CALN1: variants seen among roughly 807,000 people sequenced by gnomAD.
The protein encoded by CALN1 is calneuron 1.
CALN1 carries 17 observed loss-of-function variants against 30.6 expected under a neutral mutation model. That is an observed-to-expected ratio of 0.56 (90% CI 0.38 to 0.83). CALN1 has a LOEUF of 0.83. Ranked by LOEUF, CALN1 falls within the 40% of genes least tolerant of loss-of-function variation. The probability of loss-of-function intolerance (pLI) is 0.00; values close to 1 mark genes in which losing one functional copy is unlikely to be tolerated. For synonymous variants in CALN1, 156 were observed against 131.4 expected (o/e 1.19, Z -1.28); for missense variants, 291 against 354.9 (o/e 0.82, Z 1.45).
At position 72,209,111 on chromosome 7, in the gene CALN1, CTTT is replaced by C. The variant is rs368613379; in HGVS notation, c.244+69572_244+69574del. Among the ~76,000 whole-genome samples, 812 of 141,020 alleles carry C rather than the reference CTTT, an allele frequency of 5.8e-3. 17 individuals are homozygous for C. The highest frequency in any genetic ancestry group is 0.019 in the African/African-American group (705 of 36,802). 92.5% of individuals were successfully genotyped at this position (141,020 alleles called of 152,430 possible). ...CCCTCCTTTCTTGTGTCATTTCTCT[CTTT>C]TTTACTCCTTCCTTCTCTCCCTCTT... is the stretch of plus-strand genomic sequence containing the variant. On this transcript the variant is annotated intron_variant, in intron 3 of 6. Transcript: ENST00000395275.
intron 6 of CALN1, among the ~76,000 whole-genome samples, chr7:71,800,138 G>A (rs1017667176): frequency 6.6e-6 from 1 of 152,244 alleles, no homozygotes; most frequent in East Asian, 1.9e-4. Context: ...CTTCAGCGGG[G>A]AGGACTGAGC....
chr7:72,352,922 A>G (rs1803011733), intron 2 of CALN1, among the ~76,000 whole-genome samples: 1 of 152,312 alleles, frequency 6.6e-6, no homozygotes, highest in South Asian at 2.1e-4. Context: ...ATAGATCCTA[A>G]CGATATAAAA....
chr7:71,973,538 A>C (rs1584650415), intron 5 of CALN1, among the ~76,000 whole-genome samples: 1 of 152,222 alleles, frequency 6.6e-6, no homozygotes, highest in Admixed American at 6.5e-5. Flanking sequence ...TGGGTAAGCC[A>C]GAAGATACGT....
At chr7:72,139,538 C>T (rs1047008204) in intron 3 of CALN1, among the ~76,000 whole-genome samples, 3 of 151,170 alleles carry the variant, frequency 2.0e-5, no homozygotes, top group Admixed American at 6.6e-5. Flanking sequence ...TTGGCCATGT[C>T]CACCCCCTCA....
intron 5 of CALN1, among the ~76,000 whole-genome samples, chr7:71,898,851 C>G (rs1218945321): frequency 2.0e-5 from 3 of 152,130 alleles, no homozygotes; most frequent in African/African-American, 7.2e-5. Context: ...CAAGAAGACA[C>G]TGGAATAATA....
At chr7:71,809,934 G>T (rs1025275591) in intron 6 of CALN1, among the ~76,000 whole-genome samples, 1 of 151,872 alleles carries the variant, frequency 6.6e-6, no homozygotes, top group Non-Finnish European at 1.5e-5. Context: ...AGGAAACACA[G>T]AGAAGGTCCA....
At chr7:72,138,287 A>T (rs1330173821) in intron 3 of CALN1, among the ~76,000 whole-genome samples, 1 of 149,074 alleles carries the variant, frequency 6.7e-6, no homozygotes, top group Non-Finnish European at 1.5e-5. Context: ...TTTATTTTGG[A>T]TTTTTTTTTT....
intron 1 of CALN1, among the ~76,000 whole-genome samples, chr7:72,437,299 T>A (rs1808191510): frequency 6.6e-6 from 1 of 152,162 alleles, no homozygotes; most frequent in Non-Finnish European, 1.5e-5. Flanking sequence ...GAACACAGGC[T>A]GGACACTCAC....
intron 3 of CALN1, among the ~76,000 whole-genome samples, chr7:72,158,394 G>A (rs1486026320): frequency 6.6e-6 from 1 of 152,136 alleles, no homozygotes; most frequent in African/African-American, 2.4e-5. Flanking sequence ...TTTGCATGAG[G>A]CAGATCATAT....
At chr7:72,271,589 T>TATATATATATATAC (rs1796998549) in intron 3 of CALN1, among the ~76,000 whole-genome samples, 1 of 105,404 alleles carries the variant, frequency 9.5e-6, no homozygotes, top group African/African-American at 5.4e-5. Context: ...TATATATATA[T>TATATATATATATAC]ATATAGTTTT....
chr7:72,335,935 T>C (rs1451300880), intron 2 of CALN1, among the ~76,000 whole-genome samples: 1 of 152,114 alleles, frequency 6.6e-6, no homozygotes, highest in Non-Finnish European at 1.5e-5. Flanking sequence ...TCTCGGGAAG[T>C]TCACTCCGCG....
chr7:72,287,114 C>T (rs1230131562), intron 2 of CALN1, among the ~76,000 whole-genome samples: 1 of 152,104 alleles, frequency 6.6e-6, no homozygotes, highest in Non-Finnish European at 1.5e-5. Context: ...CACCCATGTA[C>T]CCACCACCCA....
intron 5 of CALN1, among the ~76,000 whole-genome samples, chr7:72,018,833 T>A (rs950354595): frequency 1.3e-5 from 2 of 151,504 alleles, no homozygotes; most frequent in Admixed American, 1.3e-4. Flanking sequence ...AAAAAAATTA[T>A]TTTATTTATT....
intron 3 of CALN1, among the ~76,000 whole-genome samples, chr7:72,197,534 C>T (rs1177585676): frequency 6.6e-6 from 1 of 151,958 alleles, no homozygotes; most frequent in South Asian, 2.1e-4. Flanking sequence ...ACATTATGGC[C>T]GAAGAATGTG....
Position 72,032,132 on chromosome 7 carries a change from C to G in CALN1, c.389-8363G>C, listed in dbSNP as rs534015361. ...GGAGTGCAGTGGCACGATCTCAGCT[C>G]ACTGCAAGCTCTGCCTCCTGGGTTC... On this transcript the variant is annotated intron_variant, in intron 4 of 6. Transcript: ENST00000395275. Among the ~76,000 whole-genome samples the G allele has an allele frequency of 4.2e-5, 6 of 141,522 alleles. No individual in the cohort carries two copies. The South Asian group carries it at 1.1e-3, about 27-fold the overall frequency. The allele number at this position is 141,522 out of a possible 152,430, so 92.8% of individuals were successfully genotyped here. A position where few individuals can be genotyped will look rare whatever the true frequency, so the allele number is the denominator to read the frequency against.
intron 5 of CALN1, among the ~76,000 whole-genome samples, chr7:71,835,037 G>A (rs1427501283): frequency 6.6e-6 from 1 of 152,138 alleles, no homozygotes; most frequent in Non-Finnish European, 1.5e-5. Context: ...GTCTCACTAT[G>A]TTGTCTAGGC....
intron 2 of CALN1, among the ~76,000 whole-genome samples, chr7:72,302,611 A>G (rs1799354848): frequency 6.6e-6 from 1 of 152,094 alleles, no homozygotes; most frequent in African/African-American, 2.4e-5. Context: ...ATACGAAAAC[A>G]GGATGAGCGC....
At chr7:72,188,757 T>C (rs551898246) in intron 3 of CALN1, among the ~76,000 whole-genome samples, 3 of 152,118 alleles carry the variant, frequency 2.0e-5, no homozygotes, top group Non-Finnish European at 4.4e-5. Context: ...AGAAAACCCA[T>C]CCTGCAATAT....
At chr7:72,440,573 T>C (rs1332478578) in intron 1 of CALN1, among the ~76,000 whole-genome samples, 1 of 152,214 alleles carries the variant, frequency 6.6e-6, no homozygotes, top group African/African-American at 2.4e-5. Flanking sequence ...AAGCCTGTAA[T>C]CCCAGCACTT....
Sources: allele counts gnomAD v4.1 joint callset (sites outside exome capture counted in the v4.1 genomes callset), GRCh38; gene constraint gnomAD v4.1.1; transcripts MANE v1.5; gene names NCBI Gene and HGNC (gene_info 2026-07-23, HGNC 2026-07-21).